Variants in ANXA8 observed in about 807,000 individuals in gnomAD.
The protein encoded by ANXA8 is VAC-beta.
Under a neutral mutation model 26.8 loss-of-function variants are expected in ANXA8, and 9 were observed. That is an observed-to-expected ratio of 0.34 (90% CI 0.20 to 0.59). ANXA8 has a LOEUF of 0.59. ANXA8 is among the 20% of genes least tolerant of loss of function. The probability of loss-of-function intolerance (pLI) is 0.84; values close to 1 mark genes in which losing one functional copy is unlikely to be tolerated. For synonymous variants in ANXA8, 39 were observed against 94.8 expected (o/e 0.41, Z 3.42); for missense variants, 83 against 238.5 (o/e 0.35, Z 4.29).
the ANXA8 span, among the ~76,000 whole-genome samples, chr10:47,888,982 ATGTGTGTGTGTG>A: frequency 1.1e-4 from 11 of 102,246 alleles, 1 homozygote; most frequent in Middle Eastern, 5.2e-3. Context: ...TATAATATAT[ATGTGTGTGTGTG>A]TGTGTGTGTG....
the ANXA8 span, chr10:47,553,635 G>C: frequency 3.8e-5 from 6 of 159,948 alleles, no homozygotes; most frequent in Non-Finnish European, 8.9e-5. Flanking sequence ...ACTCGTCAAC[G>C]GCCGAGTGCT....
At chr10:47,968,835 G>A in the ANXA8 span, among the ~76,000 whole-genome samples, 1 of 146,566 alleles carries the variant, frequency 6.8e-6, no homozygotes, top group South Asian at 2.2e-4. Flanking sequence ...GCAAAATCAT[G>A]GAATTATTGG....
chr10:47,949,479 A>T, the ANXA8 span, among the ~76,000 whole-genome samples: 1 of 149,964 alleles, frequency 6.7e-6, no homozygotes, highest in East Asian at 2.1e-4. Context: ...AAAACACTTA[A>T]TGGTAAGTAT....
At chr10:47,956,823 A>G in the ANXA8 span, among the ~76,000 whole-genome samples, 1 of 149,992 alleles carries the variant, frequency 6.7e-6, no homozygotes, top group Non-Finnish European at 1.5e-5. Flanking sequence ...TTGGTCATTC[A>G]GGAGCAGGGC....
At chr10:47,587,865 A>T in the ANXA8 span, among the ~76,000 whole-genome samples, 1 of 146,212 alleles carries the variant, frequency 6.8e-6, no homozygotes, top group African/African-American at 2.8e-5. Flanking sequence ...TTTGTCCAAC[A>T]GCGATTGGCC....
At chr10:47,599,173 G>A in the ANXA8 span, among the ~76,000 whole-genome samples, 1 of 144,288 alleles carries the variant, frequency 6.9e-6, no homozygotes, top group Admixed American at 6.8e-5. Flanking sequence ...ACATATTTAA[G>A]TGACTACACT....
the ANXA8 span, among the ~76,000 whole-genome samples, chr10:47,604,558 T>TA: frequency 1.3e-5 from 2 of 151,300 alleles, no homozygotes; most frequent in African/African-American, 4.9e-5. Flanking sequence ...TGTTTACAGC[T>TA]ATGCACAGAT....
chr10:47,671,521 T>C, the ANXA8 span, among the ~76,000 whole-genome samples: 5 of 152,132 alleles, frequency 3.3e-5, no homozygotes, highest in East Asian at 9.6e-4. Context: ...TAATAATTGT[T>C]ATAGTATTTT....
At chr10:47,516,023 T>G in the ANXA8 span, among the ~76,000 whole-genome samples, 14 of 129,792 alleles carry the variant, frequency 1.1e-4, 1 homozygote, top group Non-Finnish European at 3.2e-5. Context: ...TAAAACACTC[T>G]CAAAAAATAT....
chr10:47,670,606 G>A, the ANXA8 span, among the ~76,000 whole-genome samples: 1 of 151,924 alleles, frequency 6.6e-6, no homozygotes, highest in Non-Finnish European at 1.5e-5. Context: ...CATTTCCCCA[G>A]TAACTAATGA....
chr10:47,506,330 C>T, the ANXA8 span, among the ~76,000 whole-genome samples: 8 of 137,582 alleles, frequency 5.8e-5, 2 homozygotes, highest in African/African-American at 2.2e-4. Flanking sequence ...CATCTTATTG[C>T]TTCTTTTTCT....
chr10:47,535,026 G>A, the ANXA8 span, among the ~76,000 whole-genome samples: 2 of 106,056 alleles, frequency 1.9e-5, no homozygotes. Context: ...CTAGGCTGGA[G>A]TGCACTGGTA....
the ANXA8 span, among the ~76,000 whole-genome samples, chr10:47,508,988 G>C: frequency 3.8e-5 from 5 of 132,504 alleles, 1 homozygote; most frequent in African/African-American, 1.0e-4. Context: ...AAGCCAATTT[G>C]CCCTATTAAT....
the ANXA8 span, among the ~76,000 whole-genome samples, chr10:47,655,906 G>C: frequency 7.2e-5 from 11 of 152,094 alleles, no homozygotes; most frequent in East Asian, 2.1e-3. Context: ...TGTAATCCCA[G>C]CTACTCGGGA....
the ANXA8 span, among the ~76,000 whole-genome samples, chr10:47,625,709 T>C: frequency 6.6e-6 from 1 of 152,066 alleles, no homozygotes; most frequent in African/African-American, 2.4e-5. Flanking sequence ...ACCTACTTAC[T>C]ATATTTTGTG....
chr10:47,504,877 A>T, the ANXA8 span, among the ~76,000 whole-genome samples: 1 of 111,548 alleles, frequency 9.0e-6, no homozygotes, highest in East Asian at 3.1e-4. Flanking sequence ...TTTTTTTGAG[A>T]CCAAGTTTTA....
the ANXA8 span, among the ~76,000 whole-genome samples, chr10:47,949,022 C>A: frequency 7.4e-6 from 1 of 135,136 alleles, no homozygotes; most frequent in Admixed American, 7.7e-5. Flanking sequence ...AGCCTGCCAG[C>A]CTTTGAACTG....
the ANXA8 span, among the ~76,000 whole-genome samples, chr10:47,636,373 T>C: frequency 7.0e-6 from 1 of 142,914 alleles, no homozygotes; most frequent in Non-Finnish European, 1.5e-5. Context: ...GTTTGTGTTT[T>C]GAAAAAGAAA....
chr10:47,988,707 G>A, the ANXA8 span, among the ~76,000 whole-genome samples: 15 of 150,302 alleles, frequency 1.0e-4, no homozygotes, highest in Non-Finnish European at 1.8e-4. Context: ...AGGATTGACT[G>A]GGGAAGCTTT....
Sources: allele counts gnomAD v4.1 joint callset (sites outside exome capture counted in the v4.1 genomes callset), GRCh38; gene constraint gnomAD v4.1.1; transcripts MANE v1.5; gene names NCBI Gene and HGNC (gene_info 2026-07-23, HGNC 2026-07-21).